The following ASTN2 variants were observed in gnomAD, a reference collection of about 807,000 sequenced individuals.
ASTN2 encodes the protein astrotactin-2.
A neutral mutation model predicts 139.8 loss-of-function variants in ASTN2; 54 were observed. The ratio of observed to expected loss-of-function variants is 0.39; its 90% confidence interval spans 0.31 to 0.48. ASTN2 has a LOEUF of 0.48. Among genes scored for constraint, ASTN2 ranks in the 20% least tolerant of loss-of-function variants. ASTN2 has a pLI of 0.95. For synonymous variants in ASTN2, 756 were observed against 719.5 expected, an observed-to-expected ratio of 1.05 and a Z score of -0.81; for missense variants, 1,565 against 1,725.1, an observed-to-expected ratio of 0.91 and a Z score of 1.64.
intron 13 of ASTN2, 134 bp downstream of exon 13, chr9:116,805,498 A>T (rs532698866): frequency 2.6e-6 from 2 of 780,858 alleles, no homozygotes; most frequent in Non-Finnish European, 2.1e-6. Context: ...ACTCCTTAAG[A>T]GGGTACCTGT....
In ASTN2 at chr9:116,827,846, C is replaced by T. The variant is rs73529490; in HGVS notation, c.2041-7063G>A. Reference sequence around the variant, plus strand: ...CTAACACCAATTTTCCTGAAACAATCCCAAAAAAATGAGGAAGAGGAAATT... The same window carrying T: ...CTAACACCAATTTTCCTGAAACAATTCCAAAAAAATGAGGAAGAGGAAATT... On this transcript the variant is annotated intron_variant, in intron 11 of 22. Transcript: ENST00000313400. Among the ~76,000 whole-genome samples, 845 of 152,224 alleles carry T rather than the reference C, an allele frequency of 5.6e-3. 5 individuals are homozygous for T. Among genetic ancestry groups the T allele is most frequent in the African/African-American group, 0.019 (780 of 41,542 alleles).
At chr9:116,758,248 T>C (rs1172488387) in intron 13 of ASTN2, among the ~76,000 whole-genome samples, 1 of 152,218 alleles carries the variant, frequency 6.6e-6, no homozygotes, top group Non-Finnish European at 1.5e-5. Context: ...AACTTATTGC[T>C]AGCAAAGAAA....
chr9:117,314,670 GAT>G (rs901918206), intron 1 of ASTN2, among the ~76,000 whole-genome samples: 1 of 144,286 alleles, frequency 6.9e-6, no homozygotes, highest in Non-Finnish European at 1.5e-5. Flanking sequence ...AATTATATAT[GAT>G]ATGTTTTTAT....
chr9:117,337,465 C>T (rs912697551), intron 1 of ASTN2, among the ~76,000 whole-genome samples: 6 of 152,074 alleles, frequency 3.9e-5, no homozygotes, highest in African/African-American at 1.4e-4. Context: ...TGTGATTATG[C>T]CTGGCATTGG....
At chr9:117,263,838 A>G (rs1833880427) in intron 2 of ASTN2, among the ~76,000 whole-genome samples, 1 of 152,140 alleles carries the variant, frequency 6.6e-6, no homozygotes, top group Non-Finnish European at 1.5e-5. Context: ...TCAAATCAGA[A>G]CATCCTGTCC....
chr9:117,016,772 G>T (rs1260551222), intron 6 of ASTN2, among the ~76,000 whole-genome samples: 6 of 51,702 alleles, frequency 1.2e-4, no homozygotes, highest in South Asian at 7.2e-4. Flanking sequence ...GTTATATATA[G>T]GTTTTATATA....
Position 116,699,178 on chromosome 9 carries a change from C to A in ASTN2, c.2806+26593G>T, listed in dbSNP as rs759024082. On this transcript the variant is annotated intron_variant, in intron 16 of 22. Coordinates refer to ENST00000313400, the MANE Select transcript of ASTN2 (RefSeq NM_001365068.1). The surrounding 1 kb of genome is among the most constrained non-coding windows in gnomAD (Gnocchi z 4.2). Reference sequence around the variant, plus strand: ...AAACCATGGGGTATCACAGCCTTGCCATCTGGCCAGTTTGTAGTAACCGAT... The same window carrying A: ...AAACCATGGGGTATCACAGCCTTGCAATCTGGCCAGTTTGTAGTAACCGAT... 6.2e-7 allele frequency: 1 copy of A among 1,614,240 alleles called. No homozygotes were observed. Among genetic ancestry groups the A allele is most frequent in the Non-Finnish European group, 8.5e-7 (1 of 1,180,036 alleles).
At chr9:116,955,377 G>A (rs1430955527) in intron 10 of ASTN2, among the ~76,000 whole-genome samples, 13 of 152,216 alleles carry the variant, frequency 8.5e-5, no homozygotes, top group Admixed American at 8.5e-4. Flanking sequence ...TCAAATGGAG[G>A]CAACTGGGGG....
intron 5 of ASTN2, among the ~76,000 whole-genome samples, chr9:117,041,612 C>T (rs1195743716): frequency 2.0e-5 from 3 of 152,154 alleles, no homozygotes; most frequent in Non-Finnish European, 4.4e-5. Context: ...TATCTGTTCA[C>T]TGCACTCCCT....
In ASTN2 at chr9:116,651,673, C is replaced by A. The variant is rs148503875; in HGVS notation, c.2927G>T (p.Arg976Leu). Residue 976 changes from arginine to leucine, a missense_variant, in exon 17 of 23, where the codon CGC (arginine) becomes CTC (leucine). This residue lies in a region of ASTN2 where 418 missense variants were observed against 465.8 expected (regional missense o/e 0.90). Coordinates refer to ENST00000313400, the MANE Select transcript of ASTN2 (RefSeq NM_001365068.1). ...TGGACAGCGCCCCTTCTCCTCACAG[C>A]GAATCTCCACACCTGAAATGAGCTG... ...DDQLISGVEI[R>L]CEEKGRCPST... 3 of 1,614,150 alleles carry A rather than the reference C, an allele frequency of 1.9e-6. No individual in the cohort carries two copies. The highest frequency in any genetic ancestry group is 1.3e-5 in the African/African-American group (1 of 75,046).
chr9:116,866,905 A>G (rs1338295759), intron 10 of ASTN2, among the ~76,000 whole-genome samples: 2 of 151,914 alleles, frequency 1.3e-5, no homozygotes, highest in African/African-American at 2.4e-5. Flanking sequence ...AAAAAAAAAA[A>G]AAAAAAAAGA....
chr9:116,687,276 G>A (rs1860290341), intron 16 of ASTN2: 2 of 990,368 alleles, frequency 2.0e-6, no homozygotes, highest in Non-Finnish European at 2.4e-6. Flanking sequence ...CGGACAGGGA[G>A]CTCTGCGAAT....
At chr9:116,708,094 T>A (rs10983311) in intron 16 of ASTN2, among the ~76,000 whole-genome samples, 40,558 of 151,986 alleles carry the variant, frequency 0.27, 5,707 homozygotes, top group South Asian at 0.48. Context: ...CTCCGTTAGT[T>A]AAAATAGTTA....
chr9:116,475,314 A>T (rs1470029047), intron 20 of ASTN2, among the ~76,000 whole-genome samples: 1 of 152,082 alleles, frequency 6.6e-6, no homozygotes, highest in African/African-American at 2.4e-5. Context: ...ATTATCAAGC[A>T]TCTGGCCACA....
At chr9:116,576,287 A>T (rs1588028824) in intron 19 of ASTN2, among the ~76,000 whole-genome samples, 1 of 152,308 alleles carries the variant, frequency 6.6e-6, no homozygotes, top group East Asian at 1.9e-4. Context: ...CTCTCATGAC[A>T]ACCTTGTGAA....
intron 3 of ASTN2, among the ~76,000 whole-genome samples, chr9:117,186,168 A>C (rs1831191654): frequency 1.3e-5 from 2 of 152,214 alleles, no homozygotes; most frequent in Admixed American, 1.3e-4. Context: ...CAATTTTTTG[A>C]AAATTTTATG....
At chr9:117,237,302 G>A (rs1020247818) in intron 2 of ASTN2, among the ~76,000 whole-genome samples, 3 of 152,090 alleles carry the variant, frequency 2.0e-5, no homozygotes, top group African/African-American at 7.2e-5. Context: ...TTTGGTCAAG[G>A]TTGTTGGAAG....
At chr9:117,140,055 G>A (rs1202643541) in intron 4 of ASTN2, among the ~76,000 whole-genome samples, 1 of 152,186 alleles carries the variant, frequency 6.6e-6, no homozygotes, top group African/African-American at 2.4e-5. Context: ...GAAATTATCT[G>A]TAAAATGGGA....
chr9:116,670,654 G>C (rs1314624703), intron 16 of ASTN2, among the ~76,000 whole-genome samples: 2 of 152,166 alleles, frequency 1.3e-5, no homozygotes, highest in Non-Finnish European at 2.9e-5. Flanking sequence ...ACCATAAAGA[G>C]GAAAGCTGGC....
Sources: gnomAD v4.1 joint callset for allele counts (sites outside exome capture counted in the v4.1 genomes callset) on GRCh38, gnomAD v4.1.1 for gene constraint, gnomAD v4.1.1 regional missense constraint, Gnocchi (gnomAD v3.1) non-coding constraint, MANE v1.5 for transcripts, NCBI Gene and HGNC (gene_info 2026-07-23, HGNC 2026-07-21) for gene names.